The following ANKRD30A variants were observed in gnomAD, a reference collection of about 807,000 sequenced individuals.
ANKRD30A encodes the protein ankyrin repeat domain 30A, also known as ankyrin repeat domain-containing protein 30A.
A neutral mutation model predicts 166.3 loss-of-function variants in ANKRD30A; 170 were observed. The observed-to-expected ratio is 1.02, with a 90% CI of 0.90 to 1.16. ANKRD30A has a LOEUF of 1.16. Ranked by LOEUF, ANKRD30A falls within the 50% of genes most tolerant of loss-of-function variation. The pLI is 0.00. For synonymous variants in ANKRD30A, 564 were observed against 508.9 expected (o/e 1.11, Z -1.46); for missense variants, 1,630 against 1,518.0 (o/e 1.07, Z -1.23).
At chr10:37,256,677 T>G in the ANKRD30A span, among the ~76,000 whole-genome samples, 1 of 152,226 alleles carries the variant, frequency 6.6e-6, no homozygotes, top group Non-Finnish European at 1.5e-5. Context: ...TTAATCTATG[T>G]TAGACTCAAA....
At chr10:37,201,557 C>G (rs1406021696) in intron 31 of ANKRD30A, among the ~76,000 whole-genome samples, 4 of 151,726 alleles carry the variant, frequency 2.6e-5, no homozygotes, top group Admixed American at 6.6e-5. Context: ...ATTCCAAGAC[C>G]TGAGGACAAT....
rs189204441 is a variant in ANKRD30A at position 37,193,186 on chromosome 10, G to T, written c.2542G>T (p.Ala848Ser). The T allele has an allele frequency of 6.9e-4, 1,117 of 1,611,720 alleles. 32 individuals carry two copies. The African/African-American group carries it at 0.014, about 20-fold the overall frequency. ...ESPDNDGFLK[A>S]PCRMKVSIPT... Reference sequence around the variant, plus strand: ...TTGTTTTGTTTCTAAACCCATTTAGGCTCCCTGCAGAATGAAAGTTTCTAT... The same window carrying T: ...TTGTTTTGTTTCTAAACCCATTTAGTCTCCCTGCAGAATGAAAGTTTCTAT... The change falls in exon 27 of 36, where the codon GCT becomes TCT. Residue 848 changes from alanine (A) to serine (S), a missense_variant and splice_region_variant. Physicochemically the swap from Ala to Ser is moderately conservative, Grantham distance 99. Coordinates refer to ENST00000361713, the MANE Select transcript of ANKRD30A (RefSeq NM_052997.3).
rs1838032128 is a variant in ANKRD30A at position 37,152,537 on chromosome 10, G to T, written c.1707+416G>T. 3.3e-5 allele frequency among the ~76,000 whole-genome samples: 5 copies of T among 152,164 alleles called. No individual in the cohort carries two copies. In the South Asian group the frequency reaches 1.0e-3, roughly 32 times the overall value. Reference sequence around the variant, plus strand: ...TAAACTGCAGTATTGTAAAAGCTGGGACCTGAAAAGTTAATGCCTGGGACT... The same window carrying T: ...TAAACTGCAGTATTGTAAAAGCTGGTACCTGAAAAGTTAATGCCTGGGACT... On this transcript the variant is annotated intron_variant, in intron 12 of 35. Coordinates refer to ENST00000361713, the MANE Select transcript of ANKRD30A (RefSeq NM_052997.3).
intron 6 of ANKRD30A, among the ~76,000 whole-genome samples, chr10:37,138,005 G>A (rs1242576135): frequency 1.3e-5 from 2 of 152,118 alleles, no homozygotes; most frequent in South Asian, 2.1e-4. Context: ...CACCTCACAC[G>A]CCCGGGTACT....
intron 11 of ANKRD30A, 93 bp downstream of exon 11, chr10:37,149,942 T>C: frequency 6.6e-7 from 1 of 1,526,204 alleles, no homozygotes; most frequent in Non-Finnish European, 8.9e-7. Flanking sequence ...TTTTTTCAAC[T>C]TTGATGAAAA....
At position 37,162,982 on chromosome 10, in the gene ANKRD30A, T is replaced by C. The variant is rs558922244; in HGVS notation, c.2002+134T>C. 49 of 1,175,044 alleles carry C rather than the reference T, an allele frequency of 4.2e-5. No homozygotes were observed. The South Asian group carries it at 6.9e-4, about 17-fold the overall frequency. 72.8% of individuals were successfully genotyped at this position (1,175,044 alleles called of 1,614,324 possible). The stretch of plus-strand genomic sequence containing the variant: ...GATCTAGATAATGCCAATACTGGTA[T>C]TGATGTTTGAAAAGCTGGTATTACA... On this transcript the variant is annotated intron_variant, in intron 17 of 35. Transcript: ENST00000361713.
In ANKRD30A at chr10:37,140,048, C is replaced by A. The variant is rs142612708; in HGVS notation, c.821-1670C>A. On this transcript the variant is annotated intron_variant, in intron 6 of 35. Coordinates refer to ENST00000361713, the MANE Select transcript of ANKRD30A (RefSeq NM_052997.3). ...ATATGTACTATATAGTGTATTCTTA[C>A]AATAAAGTGAGCTGGAGGAAAGAAA... Among the ~76,000 whole-genome samples the A allele has an allele frequency of 2.3e-4, 35 of 152,122 alleles. No homozygotes were observed. In the East Asian group the frequency reaches 6.0e-3, roughly 26 times the overall value.
rs376880880 is a variant in ANKRD30A at position 37,219,637 on chromosome 10, G to A, written c.3925G>A (p.Val1309Met). 3 of 1,609,894 alleles carry A rather than the reference G, an allele frequency of 1.9e-6. No individual in the cohort carries two copies. In the African/African-American group the frequency reaches 4.0e-5, roughly 22 times the overall value. Residue 1309 changes from valine (V) to methionine (M), a missense_variant, in exon 34 of 36, where the codon GTG (valine) becomes ATG (methionine). Val to Met is a conservative substitution (Grantham distance 21). Transcript: ENST00000361713. ...EHMYQNEQDN[V>M]NKHTEQQESL... ...CATGTATCAAAACGAACAAGATAAT[G>A]TGAACAAACACACTGAACAGCAGGA...
intron 27 of ANKRD30A, among the ~76,000 whole-genome samples, chr10:37,195,100 C>G (rs1308231410): frequency 6.6e-6 from 1 of 151,868 alleles, no homozygotes; most frequent in Non-Finnish European, 1.5e-5. Context: ...TATTAGGCCC[C>G]CGGTGTATTT....
intron 11 of ANKRD30A, among the ~76,000 whole-genome samples, chr10:37,151,789 G>A (rs921882608): frequency 5.9e-5 from 9 of 152,008 alleles, no homozygotes; most frequent in Non-Finnish European, 1.3e-4. Context: ...GAGGAGAAGA[G>A]GATATGACTG....
chr10:37,201,365 T>A (rs372760260), intron 31 of ANKRD30A, 40 bp downstream of exon 31: 4 of 1,435,764 alleles, frequency 2.8e-6, no homozygotes, highest in East Asian at 2.4e-5. Context: ...TTTGACCAAG[T>A]ATTTCTCTAA....
chr10:37,144,479 T>C (rs1463240101), intron 7 of ANKRD30A, among the ~76,000 whole-genome samples: 1 of 152,236 alleles, frequency 6.6e-6, no homozygotes, highest in Non-Finnish European at 1.5e-5. Flanking sequence ...ACACCAAATA[T>C]ACTGTCATGG....
chr10:37,249,483 T>C, the ANKRD30A span, among the ~76,000 whole-genome samples: 2 of 151,926 alleles, frequency 1.3e-5, no homozygotes, highest in Admixed American at 1.3e-4. Flanking sequence ...AGGTCAGGGA[T>C]GGTGCAAAAT....
chr10:37,241,350 T>G, the ANKRD30A span: 1 of 150,956 alleles, frequency 6.6e-6, no homozygotes, highest in East Asian at 1.9e-4. Context: ...ACTTGAGCTT[T>G]TAATGATTTT....
the ANKRD30A span, among the ~76,000 whole-genome samples, chr10:37,244,498 C>T: frequency 6.6e-6 from 1 of 152,228 alleles, no homozygotes; most frequent in Non-Finnish European, 1.5e-5. Flanking sequence ...AATGAAATGG[C>T]ATTATTCAAG....
chr10:37,167,350 T>G (rs895947799), intron 19 of ANKRD30A, among the ~76,000 whole-genome samples: 1 of 148,904 alleles, frequency 6.7e-6, no homozygotes, highest in Non-Finnish European at 1.5e-5. Context: ...TTGAATAAGA[T>G]ATACTTGAAT....
rs775904971 is a variant in ANKRD30A, at chr10:37,158,570, G to T, written c.1884G>T (p.Met628Ile). Residue 628 changes from methionine to isoleucine, a missense_variant, in exon 15 of 36, where the codon ATG (methionine) becomes ATT (isoleucine). Physicochemically the swap from Met to Ile is conservative, Grantham distance 10 (BLOSUM62 1). This residue lies in a region of ANKRD30A where 904 missense variants were observed against 818.5 expected (regional missense o/e 1.10). Transcript: ENST00000361713. ...CTAAAGCCTTAGAATTGAAGGACAT[G>T]CAAACTTTCAAAGCAGGTAAATTTT... ...IPTKALELKD[M>I]QTFKAEPPGK... 2 of 1,613,050 alleles carry T rather than the reference G, an allele frequency of 1.2e-6. No individual in the cohort carries two copies. Among genetic ancestry groups the T allele is most frequent in the African/African-American group, 2.7e-5 (2 of 74,886 alleles).
At chr10:37,179,057 TATATATA>T (rs1401394442) in intron 24 of ANKRD30A, among the ~76,000 whole-genome samples, 7 of 136,022 alleles carry the variant, frequency 5.1e-5, no homozygotes, top group African/African-American at 1.9e-4. Context: ...TATATATATA[TATATATA>T]GATGTGTGCA....
chr10:37,254,683 C>CTTT, the ANKRD30A span, among the ~76,000 whole-genome samples: 13 of 126,540 alleles, frequency 1.0e-4, no homozygotes, highest in East Asian at 2.2e-4. Context: ...CTTTTCTTTT[C>CTTT]TTTTTTTTTT....
Sources: gnomAD v4.1 joint callset for allele counts (sites outside exome capture counted in the v4.1 genomes callset) on GRCh38, gnomAD v4.1.1 for gene constraint, gnomAD v4.1.1 regional missense constraint, MANE v1.5 for transcripts, NCBI Gene and HGNC (gene_info 2026-07-23, HGNC 2026-07-21) for gene names.